CNTNAP5: variants seen among roughly 807,000 people sequenced by gnomAD.
CNTNAP5 encodes the protein contactin associated protein family member 5.
Under a neutral mutation model 150.2 loss-of-function variants are expected in CNTNAP5, and 72 were observed. The ratio of observed to expected loss-of-function variants is 0.48; its 90% CI spans 0.40 to 0.58. The LOEUF is 0.58. Ranked by LOEUF, CNTNAP5 falls within the 20% of genes least tolerant of loss-of-function variation. The probability of loss-of-function intolerance (pLI) is 0.00; values close to 1 mark genes in which losing one functional copy is unlikely to be tolerated. For synonymous variants in CNTNAP5, 672 were observed against 619.8 expected (o/e 1.08, Z -1.25); for missense variants, 1,636 against 1,626.2 (o/e 1.01, Z -0.10).
intron 3 of CNTNAP5, among the ~76,000 whole-genome samples, chr2:124,370,281 A>C (rs578046376): frequency 6.6e-6 from 1 of 152,180 alleles, no homozygotes; most frequent in African/African-American, 2.4e-5. Context: ...TTGGAAAACG[A>C]AGACAAAGCA....
intron 3 of CNTNAP5, among the ~76,000 whole-genome samples, chr2:124,407,150 G>C (rs1203718825): frequency 1.3e-5 from 2 of 152,044 alleles, no homozygotes. Context: ...GATAAACATG[G>C]GGGTGCAGGT....
At chr2:124,421,917 C>A (rs1692112299) in intron 4 of CNTNAP5, among the ~76,000 whole-genome samples, 1 of 152,176 alleles carries the variant, frequency 6.6e-6, no homozygotes, top group African/African-American at 2.4e-5. Flanking sequence ...GATGTGCTGT[C>A]ATTTACTTTG....
intron 1 of CNTNAP5, among the ~76,000 whole-genome samples, chr2:124,033,871 G>A (rs929539299): frequency 4.0e-5 from 6 of 151,784 alleles, no homozygotes; most frequent in Non-Finnish European, 7.4e-5. Flanking sequence ...CTGAGTATAG[G>A]AAAGCAAATC....
At chr2:124,631,354 A>AT (rs544180256) in intron 12 of CNTNAP5, among the ~76,000 whole-genome samples, 308 of 152,302 alleles carry the variant, frequency 2.0e-3, no homozygotes, top group African/African-American at 7.1e-3. Flanking sequence ...ACAAAGCAAT[A>AT]TGGTATTGCT....
In CNTNAP5 at chr2:124,917,660, A is replaced by G. The variant is rs1678797522; in HGVS notation, c.*3372A>G. On this transcript the variant is annotated 3_prime_UTR_variant, in exon 24 of 24. Transcript: ENST00000682447. ...TCCACCAACGGGTAGCAAGAGCAGGATAGAACAAAATAAAGAGATTGTTTT... is the reference window on the plus strand; with the variant it reads ...TCCACCAACGGGTAGCAAGAGCAGGGTAGAACAAAATAAAGAGATTGTTTT... 6.6e-6 allele frequency among the ~76,000 whole-genome samples: 1 copy of G among 152,080 alleles called. No homozygotes were observed. The highest frequency in any genetic ancestry group is 2.1e-4 in the South Asian group (1 of 4,830).
intron 3 of CNTNAP5, among the ~76,000 whole-genome samples, chr2:124,262,885 T>C (rs1687494967): frequency 6.8e-6 from 1 of 147,218 alleles, no homozygotes; most frequent in Admixed American, 7.0e-5. Context: ...CACCTATGAG[T>C]GAGCACATGT....
intron 1 of CNTNAP5, among the ~76,000 whole-genome samples, chr2:124,044,583 C>T (rs1304132052): frequency 1.3e-5 from 2 of 152,008 alleles, no homozygotes; most frequent in African/African-American, 2.4e-5. Flanking sequence ...TTTTTTCAAA[C>T]TGTGGACTAC....
rs143706061 is a variant in CNTNAP5 at position 124,811,246 on chromosome 2, A to G, written c.3217+12926A>G. Among the ~76,000 whole-genome samples, 619 of 152,284 alleles carry G rather than the reference A, an allele frequency of 4.1e-3. 4 individuals carry two copies. The highest frequency in any genetic ancestry group is 0.014 in the African/African-American group (581 of 41,566). Reference sequence around the variant, plus strand: ...ATCTAAAATGGATAAATCAAGAAATAACAACATATTTAGTAAAATAGAGTT... The same window carrying G: ...ATCTAAAATGGATAAATCAAGAAATGACAACATATTTAGTAAAATAGAGTT... On this transcript the variant is annotated intron_variant, in intron 19 of 23. Transcript: ENST00000682447.
At chr2:124,636,159 C>G (rs1677964431) in intron 12 of CNTNAP5, among the ~76,000 whole-genome samples, 1 of 152,248 alleles carries the variant, frequency 6.6e-6, no homozygotes, top group Non-Finnish European at 1.5e-5. Flanking sequence ...GTAGGAATCC[C>G]AGCACTCACA....
At chr2:124,685,424 G>A (rs1296023700) in intron 13 of CNTNAP5, among the ~76,000 whole-genome samples, 2 of 150,092 alleles carry the variant, frequency 1.3e-5, no homozygotes, top group Non-Finnish European at 3.0e-5. Context: ...AAAGGCTAAG[G>A]CAGCTGATAA....
At chr2:124,490,490 G>A (rs1421916230) in intron 7 of CNTNAP5, among the ~76,000 whole-genome samples, 2 of 152,002 alleles carry the variant, frequency 1.3e-5, no homozygotes, top group Admixed American at 1.3e-4. Context: ...TATATAACTA[G>A]GGATCTTTCC....
At chr2:124,566,764 A>C (rs1696034567) in intron 11 of CNTNAP5, among the ~76,000 whole-genome samples, 1 of 152,188 alleles carries the variant, frequency 6.6e-6, no homozygotes, top group Admixed American at 6.5e-5. Context: ...AATGAGGACC[A>C]TTGTTTTTAG....
intron 3 of CNTNAP5, among the ~76,000 whole-genome samples, chr2:124,256,155 T>A (rs1687309191): frequency 6.6e-6 from 1 of 152,098 alleles, no homozygotes; most frequent in South Asian, 2.1e-4. Flanking sequence ...TCTAGAGTAA[T>A]TATTAATTGA....
intron 19 of CNTNAP5, among the ~76,000 whole-genome samples, chr2:124,826,198 A>G (rs1306662420): frequency 6.6e-6 from 1 of 152,204 alleles, no homozygotes; most frequent in Non-Finnish European, 1.5e-5. Context: ...AAGAAACTTT[A>G]TAACCATATT....
At chr2:124,311,059 G>A (rs1688816682) in intron 3 of CNTNAP5, among the ~76,000 whole-genome samples, 1 of 152,186 alleles carries the variant, frequency 6.6e-6, no homozygotes, top group South Asian at 2.1e-4. Context: ...TCCTTACTCT[G>A]ATACTGCAAG....
At chr2:124,103,685 A>T (rs1443179381) in intron 1 of CNTNAP5, among the ~76,000 whole-genome samples, 1 of 151,984 alleles carries the variant, frequency 6.6e-6, no homozygotes, top group African/African-American at 2.4e-5. Context: ...AGTAGGCTAT[A>T]CTGTCTAGAT....
At chr2:124,894,487 T>C (rs2104751431) in intron 21 of CNTNAP5, among the ~76,000 whole-genome samples, 1 of 151,626 alleles carries the variant, frequency 6.6e-6, no homozygotes, top group Non-Finnish European at 1.5e-5. Context: ...TTTTGTTTCT[T>C]TCAGTCCCAA....
At chr2:124,709,232 CGT>C (rs778269827) in intron 13 of CNTNAP5, among the ~76,000 whole-genome samples, 2,284 of 138,440 alleles carry the variant, frequency 0.016, 26 homozygotes, top group South Asian at 0.033. Context: ...TGTGTGTGTG[CGT>C]GTGTGTGTGT....
chr2:124,736,116 G>C (rs1573582554), intron 13 of CNTNAP5, among the ~76,000 whole-genome samples: 1 of 152,122 alleles, frequency 6.6e-6, no homozygotes, highest in Non-Finnish European at 1.5e-5. Flanking sequence ...TGTAATCCCA[G>C]CTATTCGAGA....
Sources: allele counts gnomAD v4.1 joint callset (sites outside exome capture counted in the v4.1 genomes callset), GRCh38; gene constraint gnomAD v4.1.1; transcripts MANE v1.5; gene names NCBI Gene and HGNC (gene_info 2026-07-23, HGNC 2026-07-21).